Variants in KCNT2 observed in about 807,000 individuals in gnomAD.
The protein encoded by KCNT2 is potassium channel subfamily T member 2.
A neutral mutation model predicts 153.8 loss-of-function variants in KCNT2; 67 were observed. The ratio of observed to expected loss-of-function variants is 0.44; its 90% confidence interval spans 0.36 to 0.53. The LOEUF is 0.53. KCNT2 is among the 20% of genes least tolerant of loss of function. The pLI is 0.00. For synonymous variants in KCNT2, 500 were observed against 458.8 expected, an observed-to-expected ratio of 1.09 and a Z score of -1.15; for missense variants, 975 against 1,354.8, an observed-to-expected ratio of 0.72 and a Z score of 4.40.
Position 196,270,784 on chromosome 1 carries a change from C to T in KCNT2, c.2910+10076G>A, listed in dbSNP as rs373124877. Among the ~76,000 whole-genome samples, 21 of 151,516 alleles carry T rather than the reference C, an allele frequency of 1.4e-4. No individual in the cohort carries two copies. In the East Asian group the frequency reaches 3.9e-3, roughly 28 times the overall value. On this transcript the variant is annotated intron_variant, in intron 25 of 27. Transcript: ENST00000294725. ...AGAACCTATACACTATAAGGTAAGC[C>T]AGTTACTGAAATATATAGACTAAAG...
chr1:196,461,628 G>A (rs1019338018), intron 8 of KCNT2, among the ~76,000 whole-genome samples: 11 of 151,746 alleles, frequency 7.2e-5, no homozygotes, highest in South Asian at 2.1e-4. Flanking sequence ...TTTAATTCCC[G>A]GATGCTCCAG....
chr1:196,252,983 C>T (rs1400329732), intron 26 of KCNT2, among the ~76,000 whole-genome samples: 1 of 151,030 alleles, frequency 6.6e-6, no homozygotes, highest in African/African-American at 2.4e-5. Flanking sequence ...GAAACATTTT[C>T]AGCAGTTTTG....
intron 26 of KCNT2, chr1:196,257,602 ATTAT>A (rs1571820210): frequency 2.3e-5 from 21 of 928,434 alleles, no homozygotes; most frequent in Non-Finnish European, 2.7e-5. Flanking sequence ...TAAGCTTTGC[ATTAT>A]TTATTTAAGC....
intron 27 of KCNT2, among the ~76,000 whole-genome samples, chr1:196,234,360 T>C (rs1183983821): frequency 1.3e-5 from 2 of 151,294 alleles, no homozygotes. Flanking sequence ...TTTTTATTTT[T>C]GTAATCACAC....
chr1:196,295,653 A>T (rs1478575393), intron 22 of KCNT2, among the ~76,000 whole-genome samples: 1 of 152,040 alleles, frequency 6.6e-6, no homozygotes, highest in Non-Finnish European at 1.5e-5. Context: ...CTACAGTATA[A>T]GTGTAAAAAC....
At chr1:196,447,173 A>G (rs1675757219) in intron 8 of KCNT2, among the ~76,000 whole-genome samples, 1 of 151,602 alleles carries the variant, frequency 6.6e-6, no homozygotes, top group African/African-American at 2.4e-5. Flanking sequence ...CATTTCCAGA[A>G]CATATTTTAT....
chr1:196,474,888 G>T (rs145888333), intron 5 of KCNT2, among the ~76,000 whole-genome samples: 2 of 152,276 alleles, frequency 1.3e-5, no homozygotes, highest in East Asian at 3.9e-4. Flanking sequence ...TATGACAGAA[G>T]ACAAAATAAG....
chr1:196,339,552 G>GAC (rs1177744975), intron 16 of KCNT2, among the ~76,000 whole-genome samples: 2 of 137,346 alleles, frequency 1.5e-5, no homozygotes, highest in Non-Finnish European at 3.3e-5. Flanking sequence ...GAGAGAGAGA[G>GAC]ACAGAGACAC....
intron 12 of KCNT2, among the ~76,000 whole-genome samples, chr1:196,422,653 A>C (rs1181260917): frequency 6.6e-6 from 1 of 151,916 alleles, no homozygotes; most frequent in Non-Finnish European, 1.5e-5. Flanking sequence ...CTTGAATAGA[A>C]GGTTCTCAAA....
chr1:196,463,481 A>G (rs1677334838), intron 8 of KCNT2, among the ~76,000 whole-genome samples: 1 of 151,778 alleles, frequency 6.6e-6, no homozygotes, highest in African/African-American at 2.4e-5. Context: ...ATAAAATTGT[A>G]TGTAGTTAAA....
At chr1:196,324,079 C>G (rs1663603538) in intron 19 of KCNT2, among the ~76,000 whole-genome samples, 1 of 151,680 alleles carries the variant, frequency 6.6e-6, no homozygotes, top group African/African-American at 2.4e-5. Flanking sequence ...GAATATTCGA[C>G]AATACTTTCG....
chr1:196,468,664 CTTAT>C (rs1303566763), intron 6 of KCNT2, among the ~76,000 whole-genome samples: 3 of 151,822 alleles, frequency 2.0e-5, no homozygotes, highest in Admixed American at 6.6e-5. Flanking sequence ...TTCCAATTGG[CTTAT>C]TTTTTTAAAA....
chr1:196,426,036 G>T (rs765225387), intron 10 of KCNT2, 48 bp from the exon 11 acceptor site: 13 of 1,421,804 alleles, frequency 9.1e-6, no homozygotes, highest in African/African-American at 1.4e-5. Flanking sequence ...AATGTTTTAT[G>T]TTACACTACA....
At chr1:196,252,465 A>T (rs758505387) in intron 26 of KCNT2, among the ~76,000 whole-genome samples, 1 of 151,662 alleles carries the variant, frequency 6.6e-6, no homozygotes, top group Non-Finnish European at 1.5e-5. Context: ...ATTACTCTCT[A>T]CTCTGAAATA....
intron 1 of KCNT2, among the ~76,000 whole-genome samples, chr1:196,553,059 C>T (rs1658160557): frequency 6.6e-6 from 1 of 151,046 alleles, no homozygotes; most frequent in Non-Finnish European, 1.5e-5. Context: ...AGGAATAACT[C>T]CCTACTTATC....
At chr1:196,533,037 C>T (rs1655144738) in intron 1 of KCNT2, among the ~76,000 whole-genome samples, 1 of 151,990 alleles carries the variant, frequency 6.6e-6, no homozygotes, top group Non-Finnish European at 1.5e-5. Flanking sequence ...CTCTATCTGG[C>T]CAAATCTAAT....
At chr1:196,424,416 T>C (rs1673471510) in intron 11 of KCNT2, among the ~76,000 whole-genome samples, 2 of 152,074 alleles carry the variant, frequency 1.3e-5, no homozygotes, top group African/African-American at 4.8e-5. Flanking sequence ...ATGAATACAA[T>C]GATCTAGATT....
intron 1 of KCNT2, among the ~76,000 whole-genome samples, chr1:196,538,304 C>G (rs775422663): frequency 1.4e-4 from 22 of 152,186 alleles, no homozygotes; most frequent in Middle Eastern, 3.4e-3. Flanking sequence ...ACATGGTAAA[C>G]CTGAAATCAG....
intron 1 of KCNT2, among the ~76,000 whole-genome samples, chr1:196,499,390 A>G (rs767906486): frequency 5.3e-5 from 8 of 152,266 alleles, no homozygotes; most frequent in Non-Finnish European, 7.3e-5. Context: ...TGTAAACTCC[A>G]TAAGGGCAAG....
Sources: gnomAD v4.1 joint callset for allele counts (sites outside exome capture counted in the v4.1 genomes callset) on GRCh38, gnomAD v4.1.1 for gene constraint, MANE v1.5 for transcripts, NCBI Gene and HGNC (gene_info 2026-07-23, HGNC 2026-07-21) for gene names.